The following KIAA0825 variants were observed in gnomAD, a reference collection of about 807,000 sequenced individuals.
KIAA0825 encodes uncharacterized protein KIAA0825.
Under a neutral mutation model 147.6 loss-of-function variants are expected in KIAA0825, and 119 were observed. The observed-to-expected ratio is 0.81, with a 90% CI of 0.69 to 0.94. The LOEUF (loss-of-function observed/expected upper bound fraction) is 0.94, where lower values mean the gene tolerates loss of function less well. KIAA0825 is among the 40% of genes least tolerant of loss of function. KIAA0825 has a pLI of 0.00. For missense variants in KIAA0825, 1,381 were observed against 1,472.7 expected (o/e 0.94, Z 1.02); for synonymous variants, 470 against 518.1 (o/e 0.91, Z 1.26).
chr5:94,352,132 A>G (rs940747656), intron 20 of KIAA0825, among the ~76,000 whole-genome samples: 1 of 152,186 alleles, frequency 6.6e-6, no homozygotes, highest in Non-Finnish European at 1.5e-5. Context: ...CAAACAGACA[A>G]CCCACAGAGT....
intron 14 of KIAA0825, among the ~76,000 whole-genome samples, chr5:94,430,582 A>C (rs566521683): frequency 3.3e-4 from 50 of 152,334 alleles, no homozygotes; most frequent in African/African-American, 1.2e-3. Flanking sequence ...CCGGGTCATA[A>C]ATGAAATAAT....
chr5:94,424,027 C>G (rs1358093693), intron 14 of KIAA0825, among the ~76,000 whole-genome samples: 1 of 152,102 alleles, frequency 6.6e-6, no homozygotes, highest in African/African-American at 2.4e-5. Flanking sequence ...ACAAAACTTT[C>G]AATTAATATA....
intron 20 of KIAA0825, among the ~76,000 whole-genome samples, chr5:94,282,215 C>A (rs1777498849): frequency 6.6e-6 from 1 of 152,040 alleles, no homozygotes; most frequent in Admixed American, 6.6e-5. Flanking sequence ...TGAACTAGTT[C>A]ACTTCAACAG....
intron 12 of KIAA0825, among the ~76,000 whole-genome samples, chr5:94,456,179 C>G (rs1759081747): frequency 6.6e-6 from 1 of 152,274 alleles, no homozygotes; most frequent in South Asian, 2.1e-4. Flanking sequence ...TGTAGCCTTT[C>G]TCATAGCCTC....
intron 15 of KIAA0825, among the ~76,000 whole-genome samples, 157 bp from the exon 16 acceptor site, chr5:94,403,950 A>G (rs986447393): frequency 6.6e-6 from 1 of 151,488 alleles, no homozygotes; most frequent in Non-Finnish European, 1.5e-5. Flanking sequence ...CCACCCCATA[A>G]AACATTTTTT....
intron 20 of KIAA0825, among the ~76,000 whole-genome samples, chr5:94,375,248 A>G (rs185729265): frequency 2.6e-5 from 4 of 151,926 alleles, no homozygotes; most frequent in Admixed American, 2.6e-4. Context: ...AGCCAGGATG[A>G]TCTTGATCTC....
chr5:94,243,844 A>G (rs1004960763), intron 20 of KIAA0825, among the ~76,000 whole-genome samples: 4 of 152,170 alleles, frequency 2.6e-5, no homozygotes, highest in South Asian at 2.1e-4. Flanking sequence ...AAGATTTATC[A>G]TCTAAATGCC....
At chr5:94,269,479 G>A (rs1776883509) in intron 20 of KIAA0825, among the ~76,000 whole-genome samples, 1 of 151,942 alleles carries the variant, frequency 6.6e-6, no homozygotes. Context: ...GACACAGAGT[G>A]GCTGAATGGA....
intron 5 of KIAA0825, among the ~76,000 whole-genome samples, chr5:94,517,597 G>A (rs1250431994): frequency 6.6e-6 from 1 of 151,400 alleles, no homozygotes; most frequent in Non-Finnish European, 1.5e-5. Flanking sequence ...TAAGACTACA[G>A]TATACATACA....
chr5:94,483,343 A>T (rs955346351), intron 6 of KIAA0825, among the ~76,000 whole-genome samples: 1 of 152,002 alleles, frequency 6.6e-6, no homozygotes, highest in African/African-American at 2.4e-5. Context: ...TTCTTGATGC[A>T]TACCTCAGAA....
intron 16 of KIAA0825, among the ~76,000 whole-genome samples, chr5:94,401,056 A>C (rs1751309503): frequency 6.6e-6 from 1 of 152,094 alleles, no homozygotes; most frequent in African/African-American, 2.4e-5. Flanking sequence ...TATATCACTA[A>C]ATTAAAACAT....
intron 20 of KIAA0825, among the ~76,000 whole-genome samples, chr5:94,283,156 T>TA (rs1006626011): frequency 7.2e-5 from 11 of 152,084 alleles, no homozygotes; most frequent in African/African-American, 2.7e-4. Flanking sequence ...GTTACTACAT[T>TA]AAAAAATCTT....
At chr5:94,430,862 A>C (rs1755567952) in intron 14 of KIAA0825, among the ~76,000 whole-genome samples, 1 of 152,200 alleles carries the variant, frequency 6.6e-6, no homozygotes, top group South Asian at 2.1e-4. Flanking sequence ...CCAATCTCCC[A>C]AGCTATATGC....
intron 20 of KIAA0825, among the ~76,000 whole-genome samples, chr5:94,333,916 G>A (rs1358897667): frequency 1.3e-5 from 2 of 152,074 alleles, no homozygotes; most frequent in Non-Finnish European, 2.9e-5. Flanking sequence ...ACTTCTTCAA[G>A]GAAAACTACA....
intron 14 of KIAA0825, among the ~76,000 whole-genome samples, chr5:94,433,932 T>C (rs1756015834): frequency 6.6e-6 from 1 of 152,204 alleles, no homozygotes; most frequent in Non-Finnish European, 1.5e-5. Context: ...AATTGGGAAA[T>C]TGCCAAATAT....
rs1400730893 is a variant in KIAA0825, at chr5:94,543,303, G to C, written c.-1-6176C>G. On this transcript the variant is annotated intron_variant, in intron 2 of 20. Transcript: ENST00000682413. ...TACTAAAAGTACAAAAATTAGCTGA[G>C]TGTGGGGCACATGCCTGTAATCCCA... 1.2e-4 allele frequency among the ~76,000 whole-genome samples: 18 copies of C among 152,078 alleles called. No homozygotes were observed. In the East Asian group the frequency reaches 3.5e-3, roughly 29 times the overall value.
At chr5:94,512,052 A>G (rs2151168149) in intron 5 of KIAA0825, among the ~76,000 whole-genome samples, 1 of 152,244 alleles carries the variant, frequency 6.6e-6, no homozygotes, top group Non-Finnish European at 1.5e-5. Flanking sequence ...TGCTGATGGT[A>G]GAAAATTTTC....
intron 20 of KIAA0825, among the ~76,000 whole-genome samples, chr5:94,328,853 A>G (rs1780978050): frequency 6.6e-6 from 1 of 152,140 alleles, no homozygotes; most frequent in Admixed American, 6.5e-5. Context: ...AATAACAAAT[A>G]TAAGTCCTCC....
rs774274085 is a variant in KIAA0825 at position 94,493,797 on chromosome 5, A to AT, written c.971-8868dup. ...GTCACCGCGCCTGGCCAATATCTGC[A>AT]TTTTTTATACCTTCTTTCTCTGATC... On this transcript the variant is annotated intron_variant, in intron 5 of 20. Transcript: ENST00000682413. Among the ~76,000 whole-genome samples, 15 of 152,060 alleles carry AT rather than the reference A, an allele frequency of 9.9e-5. No individual in the cohort carries two copies. The East Asian group carries it at 1.4e-3, about 14-fold the overall frequency.
Sources: allele counts gnomAD v4.1 joint callset (sites outside exome capture counted in the v4.1 genomes callset), GRCh38; gene constraint gnomAD v4.1.1; transcripts MANE v1.5; gene names NCBI Gene and HGNC (gene_info 2026-07-23, HGNC 2026-07-21).